ASIC5: variants seen among roughly 807,000 people sequenced by gnomAD.
ASIC5 encodes bile acid-sensitive ion channel.
Under a neutral mutation model 51.2 loss-of-function variants are expected in ASIC5, and 52 were observed. That is an observed-to-expected ratio of 1.02 (90% CI 0.81 to 1.28). The LOEUF (loss-of-function observed/expected upper bound fraction) is 1.28, where lower values mean the gene tolerates loss of function less well. Among genes scored for constraint, ASIC5 ranks in the 50% most tolerant of loss-of-function variants. The pLI, the probability that ASIC5 is intolerant of heterozygous loss-of-function variation, is 0.00. For missense variants in ASIC5, 635 were observed against 595.0 expected (o/e 1.07, Z -0.70); for synonymous variants, 231 against 200.7 (o/e 1.15, Z -1.28).
intron 6 of ASIC5, among the ~76,000 whole-genome samples, chr4:155,839,694 T>G (rs201636684): frequency 6.6e-6 from 1 of 151,520 alleles, no homozygotes; most frequent in East Asian, 1.9e-4. Flanking sequence ...TGTAAGGAAG[T>G]GCTCTTTATG....
chr4:155,831,854 G>C lies in ASIC5; in HGVS notation c.1297C>G (p.Gln433Glu). Residue 433 changes from glutamine to glutamate, a missense_variant, in exon 9 of 10, where the codon CAA (glutamine) becomes GAA (glutamate). Transcript: ENST00000537611. ...SDLNYKITQQ[Q>E]KAVSVSELLA... ...AACTCAGACACACTCACCGCCTTTTGCTGCTGGGTTATCTTATAGTTTAGG... is the reference window on the plus strand; with the variant it reads ...AACTCAGACACACTCACCGCCTTTTCCTGCTGGGTTATCTTATAGTTTAGG... 1 of 1,607,166 alleles carries C rather than the reference G, an allele frequency of 6.2e-7. No individual in the cohort carries two copies. Among genetic ancestry groups the C allele is most frequent in the Middle Eastern group, 1.7e-4 (1 of 6,030 alleles).
chr4:155,866,059 CTTATA>C (rs1460210676), intron 1 of ASIC5, 123 bp downstream of exon 1: 2 of 540,856 alleles, frequency 3.7e-6, no homozygotes, highest in African/African-American at 3.8e-5. Flanking sequence ...ACTTATATTA[CTTATA>C]TTGTGTTCAA....
chr4:155,839,290 CAGTT>C (rs1741063500), intron 6 of ASIC5, among the ~76,000 whole-genome samples: 1 of 151,832 alleles, frequency 6.6e-6, no homozygotes, highest in African/African-American at 2.4e-5. Flanking sequence ...CAAGACCACA[CAGTT>C]AGGGGAAACT....
intron 4 of ASIC5, among the ~76,000 whole-genome samples, chr4:155,847,404 C>T (rs1055265795): frequency 1.3e-5 from 2 of 151,878 alleles, no homozygotes; most frequent in South Asian, 2.1e-4. Flanking sequence ...TCTTCAGGCC[C>T]CACAGCAGAT....
rs140405527 is a variant in ASIC5, at chr4:155,844,661, A to C, written c.712-831T>G. ...TTCTTTCTCTCATTGGATTTGACCA[A>C]CTCAGAACCCTCTAGCTCATGAGTA... On this transcript the variant is annotated intron_variant, in intron 4 of 9. Coordinates refer to ENST00000537611, the MANE Select transcript of ASIC5 (RefSeq NM_017419.3). Among the ~76,000 whole-genome samples the C allele has an allele frequency of 1.6e-3, 239 of 151,560 alleles. 1 individual carries two copies. Among genetic ancestry groups the C allele is most frequent in the African/African-American group, 4.5e-3 (186 of 41,328 alleles).
intron 4 of ASIC5, among the ~76,000 whole-genome samples, chr4:155,847,732 AT>A (rs200830035): frequency 2.3e-4 from 35 of 152,026 alleles, no homozygotes; most frequent in South Asian, 8.3e-4. Flanking sequence ...AGTAAAAAAA[AT>A]AAATAAATAA....
Position 155,836,815 on chromosome 4 carries a change from T to TTATG in ASIC5, c.1105_1108dup (p.Asn370ThrfsTer2). ...TTCACAAGAAACGGGGCAGCTAGAG[T>TTATG]TATGTGTTCCTACTGTACATAAATC... is the stretch of plus-strand genomic sequence containing the variant. On this transcript the variant is annotated stop_gained and frameshift_variant, in exon 8 of 10. Coordinates refer to ENST00000537611, the MANE Select transcript of ASIC5 (RefSeq NM_017419.3). LOFTEE classifies it high-confidence loss of function. The TTATG allele has an allele frequency of 6.2e-7, 1 of 1,610,066 alleles. No homozygotes were observed. The highest frequency in any genetic ancestry group is 8.5e-7 in the Non-Finnish European group (1 of 1,176,710).
intron 2 of ASIC5, among the ~76,000 whole-genome samples, chr4:155,859,296 A>G (rs1741632814): frequency 6.6e-6 from 1 of 151,942 alleles, no homozygotes; most frequent in African/African-American, 2.4e-5. Flanking sequence ...TGTATTGTTT[A>G]TTTTATTTTT....
intron 6 of ASIC5, among the ~76,000 whole-genome samples, chr4:155,839,422 A>G (rs1741067666): frequency 1.3e-5 from 2 of 151,738 alleles, no homozygotes; most frequent in South Asian, 4.2e-4. Flanking sequence ...TAGGATGGGG[A>G]GGGGGCAGGT....
chr4:155,832,143 A>C (rs902626853), intron 8 of ASIC5, among the ~76,000 whole-genome samples: 2 of 152,254 alleles, frequency 1.3e-5, no homozygotes, highest in African/African-American at 4.8e-5. Context: ...ATTCCTGAGA[A>C]ACTAGAAAAA....
At chr4:155,842,181 T>C (rs201981382) in intron 6 of ASIC5, 26 bp downstream of exon 6, 57 of 1,608,976 alleles carry the variant, frequency 3.5e-5, no homozygotes, top group Non-Finnish European at 4.8e-5. Flanking sequence ...TCTAGTTAAG[T>C]AAGGGGGCAG....
At chr4:155,845,302 GTA>G (rs1741214447) in intron 4 of ASIC5, among the ~76,000 whole-genome samples, 1 of 150,856 alleles carries the variant, frequency 6.6e-6, no homozygotes, top group African/African-American at 2.4e-5. Context: ...ATGTGTGTGT[GTA>G]TGTGTGCATG....
At chr4:155,865,722 G>T (rs552951929) in intron 1 of ASIC5, among the ~76,000 whole-genome samples, 1 of 152,136 alleles carries the variant, frequency 6.6e-6, no homozygotes, top group South Asian at 2.1e-4. Context: ...ATGACTGTCA[G>T]GAAGATTAAA....
rs557701686 is a variant in ASIC5 at position 155,835,140 on chromosome 4, C to T, written c.1235+1549G>A. On this transcript the variant is annotated intron_variant, in intron 8 of 9. Coordinates refer to ENST00000537611, the MANE Select transcript of ASIC5 (RefSeq NM_017419.3). Reference sequence around the variant, plus strand: ...CTGGCCCTCTGCCCTTGCGATAAGGCAGAGGGTCCATTGAGCTGATTAACC... The same window carrying T: ...CTGGCCCTCTGCCCTTGCGATAAGGTAGAGGGTCCATTGAGCTGATTAACC... Among the ~76,000 whole-genome samples the T allele has an allele frequency of 2.6e-5, 4 of 152,288 alleles. 1 individual carries two copies. The highest frequency in any genetic ancestry group is 9.6e-5 in the African/African-American group (4 of 41,562).
chr4:155,848,336 T>G (rs563562025), intron 4 of ASIC5, among the ~76,000 whole-genome samples: 99 of 152,182 alleles, frequency 6.5e-4, no homozygotes, highest in Admixed American at 1.8e-3. Flanking sequence ...AAGATATTAG[T>G]TTCCCTAAAG....
At chr4:155,866,049 A>G in intron 1 of ASIC5, 138 bp downstream of exon 1, 1 of 472,224 alleles carries the variant, frequency 2.1e-6, no homozygotes, top group Non-Finnish European at 3.7e-6. Flanking sequence ...CATTTTTAAA[A>G]CTTATATTAC....
At chr4:155,843,169 C>A (rs1426977522) in intron 5 of ASIC5, among the ~76,000 whole-genome samples, 1 of 152,118 alleles carries the variant, frequency 6.6e-6, no homozygotes, top group African/African-American at 2.4e-5. Flanking sequence ...CTGTGTCTAT[C>A]AATGGTAAGT....
Position 155,830,016 on chromosome 4 carries a change from C to T in ASIC5, c.1358G>A (p.Cys453Tyr). Residue 453 changes from cysteine (C) to tyrosine (Y), a missense_variant, in exon 10 of 10, where the codon TGT (cysteine) becomes TAT (tyrosine). Physicochemically the swap from Cys to Tyr is radical, Grantham distance 194. Transcript: ENST00000537611. ...ADLGGQLGLFCGASLITIIEI... is the reference protein window; with the variant it reads ...ADLGGQLGLFYGASLITIIEI... ...TATGATCGTGATCAGACTGGCCCCA[C>T]AAAATAGACCCAGCTGACCACCAAG... 1 of 1,571,044 alleles carries T rather than the reference C, an allele frequency of 6.4e-7. No individual in the cohort carries two copies. The highest frequency in any genetic ancestry group is 8.6e-7 in the Non-Finnish European group (1 of 1,160,392).
At chr4:155,854,043 C>G in intron 3 of ASIC5, 34 bp downstream of exon 3, 1 of 1,497,078 alleles carries the variant, frequency 6.7e-7, no homozygotes, top group Non-Finnish European at 9.3e-7. Context: ...GAACTTATTA[C>G]TTTGATTATA....
Sources: gnomAD v4.1 joint callset for allele counts (sites outside exome capture counted in the v4.1 genomes callset) on GRCh38, gnomAD v4.1.1 for gene constraint, MANE v1.5 for transcripts, NCBI Gene and HGNC (gene_info 2026-07-23, HGNC 2026-07-21) for gene names.